The following POLN variants were observed in gnomAD, a reference collection of about 807,000 sequenced individuals.
POLN encodes the protein DNA polymerase N.
A neutral mutation model predicts 113.5 loss-of-function variants in POLN; 108 were observed. That is an observed-to-expected ratio of 0.95 (90% CI 0.81 to 1.12). The LOEUF is 1.12. Ranked by LOEUF, POLN falls within the 50% of genes most tolerant of loss-of-function variation. POLN has a pLI of 0.00. For missense variants in POLN, 1,097 were observed against 1,077.1 expected (o/e 1.02, Z -0.26); for synonymous variants, 386 against 391.5 (o/e 0.99, Z 0.17).
chr4:2,212,300 C>T (rs1485143149), intron 4 of POLN, among the ~76,000 whole-genome samples: 2 of 152,172 alleles, frequency 1.3e-5, no homozygotes, highest in Non-Finnish European at 2.9e-5. Flanking sequence ...CCCAAAGTTC[C>T]AAGCTTTCTT....
chr4:2,174,963 C>A (rs1416143837), intron 9 of POLN, among the ~76,000 whole-genome samples: 1 of 151,992 alleles, frequency 6.6e-6, no homozygotes, highest in Non-Finnish European at 1.5e-5. Flanking sequence ...GGTAGGACTA[C>A]AGGCACCCCC....
intron 9 of POLN, among the ~76,000 whole-genome samples, chr4:2,175,361 T>G (rs972507904): frequency 6.6e-6 from 1 of 152,190 alleles, no homozygotes; most frequent in African/African-American, 2.4e-5. Context: ...CCAAGCCCCA[T>G]CCTCAATTTT....
At chr4:2,095,172 A>G (rs1178286141) in intron 20 of POLN, among the ~76,000 whole-genome samples, 1 of 140,694 alleles carries the variant, frequency 7.1e-6, no homozygotes, top group East Asian at 2.5e-4. Context: ...CTGCTCTGAC[A>G]TGGGTATTGG....
At chr4:2,168,815 G>A (rs756609580) in intron 13 of POLN, among the ~76,000 whole-genome samples, 4 of 152,174 alleles carry the variant, frequency 2.6e-5, no homozygotes, top group East Asian at 1.9e-4. Context: ...AGTGCTCCAC[G>A]AACACACCAC....
intron 16 of POLN, among the ~76,000 whole-genome samples, chr4:2,152,298 A>G (rs1336714158): frequency 2.0e-5 from 3 of 150,888 alleles, no homozygotes; most frequent in Non-Finnish European, 4.4e-5. Flanking sequence ...TCAGCCTCCC[A>G]AAGTGCTAGG....
intron 11 of POLN, among the ~76,000 whole-genome samples, chr4:2,173,735 G>A (rs953667686): frequency 6.6e-6 from 1 of 152,078 alleles, no homozygotes; most frequent in African/African-American, 2.4e-5. Context: ...GGATCCTGAG[G>A]AGCCATTAAA....
At chr4:2,195,155 A>G (rs919721783) in intron 6 of POLN, among the ~76,000 whole-genome samples, 2 of 152,170 alleles carry the variant, frequency 1.3e-5, no homozygotes, top group Admixed American at 6.5e-5. Context: ...ATTTATTTAA[A>G]TTTATTTTGA....
At chr4:2,207,820 G>A (rs1386997544) in intron 5 of POLN, among the ~76,000 whole-genome samples, 167 bp downstream of exon 5, 1 of 152,218 alleles carries the variant, frequency 6.6e-6, no homozygotes, top group Admixed American at 6.5e-5. Flanking sequence ...CAGTTTTACA[G>A]TTTCCTAAGA....
chr4:2,094,752 T>A (rs375290625), intron 20 of POLN, among the ~76,000 whole-genome samples: 1 of 152,062 alleles, frequency 6.6e-6, no homozygotes, highest in Admixed American at 6.5e-5. Flanking sequence ...AAGCTATCCA[T>A]CCACAGTTTT....
chr4:2,189,422 G>A (rs540182293), intron 7 of POLN, among the ~76,000 whole-genome samples: 3 of 151,880 alleles, frequency 2.0e-5, no homozygotes, highest in East Asian at 1.9e-4. Context: ...GGTGGATCAC[G>A]AGGTCAGGAG....
chr4:2,073,711 T>A (rs952457877), intron 24 of POLN, among the ~76,000 whole-genome samples: 2 of 152,238 alleles, frequency 1.3e-5, no homozygotes, highest in Non-Finnish European at 2.9e-5. Context: ...GTTCAGTCCT[T>A]TTGTGCTGTG....
At position 2,179,466 on chromosome 4, in the gene POLN, C is replaced by G; in HGVS notation, c.1022-1G>C. The stretch of plus-strand genomic sequence containing the variant: ...GGATCTAGCCCTATAAAATCAGCAA[C>G]TGAAGAGAAAAAGGTCATTCAGTCA... On this transcript the variant is annotated splice_acceptor_variant, in intron 7 of 25. Coordinates refer to ENST00000511885, the MANE Select transcript of POLN (RefSeq NM_181808.4). LOFTEE classifies it high-confidence loss of function. 6.2e-7 allele frequency: 1 copy of G among 1,612,270 alleles called. No individual in the cohort carries two copies. The highest frequency in any genetic ancestry group is 1.1e-5 in the South Asian group (1 of 90,376).
intron 19 of POLN, among the ~76,000 whole-genome samples, chr4:2,114,110 G>C (rs1173454099): frequency 2.6e-5 from 4 of 151,654 alleles, no homozygotes; most frequent in South Asian, 4.2e-4. Flanking sequence ...TGTTTCCAAG[G>C]CAAGTCTTGA....
At chr4:2,079,883 C>T in intron 23 of POLN, 1 of 985,634 alleles carries the variant, frequency 1.0e-6, no homozygotes, top group Non-Finnish European at 1.2e-6. Context: ...CTGTGCCCAG[C>T]CGAGAGTGAA....
chr4:2,234,563 G>A (rs564876265), intron 2 of POLN: 1 of 153,030 alleles, frequency 6.5e-6, no homozygotes, highest in African/African-American at 2.4e-5. Context: ...ACGGGGACCT[G>A]GGTACATGAT....
chr4:2,144,337 G>T (rs1016708685), intron 16 of POLN, among the ~76,000 whole-genome samples: 4 of 151,768 alleles, frequency 2.6e-5, no homozygotes, highest in Admixed American at 2.6e-4. Flanking sequence ...TAGAGATGGG[G>T]TTTCACTGTG....
chr4:2,113,628 C>A (rs1026074776), intron 19 of POLN, among the ~76,000 whole-genome samples: 3 of 151,012 alleles, frequency 2.0e-5, no homozygotes, highest in African/African-American at 7.3e-5. Flanking sequence ...GAGGCCAAGG[C>A]AGGTAGATCA....
intron 5 of POLN, among the ~76,000 whole-genome samples, chr4:2,199,327 C>T (rs561015829): frequency 1.4e-4 from 22 of 152,120 alleles, no homozygotes; most frequent in Non-Finnish European, 2.8e-4. Context: ...GATTTAAAAA[C>T]TCAACATAAT....
chr4:2,134,313 C>T (rs1245077522), intron 16 of POLN, among the ~76,000 whole-genome samples: 1 of 152,124 alleles, frequency 6.6e-6, no homozygotes, highest in Non-Finnish European at 1.5e-5. Context: ...ATAAAGATGC[C>T]ATAAGCATTT....
Sources: gnomAD v4.1 joint callset for allele counts (sites outside exome capture counted in the v4.1 genomes callset) on GRCh38, gnomAD v4.1.1 for gene constraint, MANE v1.5 for transcripts, NCBI Gene and HGNC (gene_info 2026-07-23, HGNC 2026-07-21) for gene names.